OR52N1: variants seen among roughly 807,000 people sequenced by gnomAD.
The protein encoded by OR52N1 is olfactory receptor 52N1.
In OR52N1, 11 loss-of-function variants were observed where a neutral mutation model predicts 13.9. That is an observed-to-expected ratio of 0.79 (90% CI 0.50 to 1.31). The LOEUF (loss-of-function observed/expected upper bound fraction) is 1.31, where lower values mean the gene tolerates loss of function less well. Ranked by LOEUF, OR52N1 falls within the 40% of genes most tolerant of loss-of-function variation. The pLI, the probability that OR52N1 is intolerant of heterozygous loss-of-function variation, is 0.00. For missense variants in OR52N1, 414 were observed against 397.7 expected, an observed-to-expected ratio of 1.04 and a Z score of -0.35; for synonymous variants, 142 against 143.7, an observed-to-expected ratio of 0.99 and a Z score of 0.08.
rs539044197 is a variant in OR52N1, at chr11:5,788,714, T to C, written c.103A>G (p.Thr35Ala). 30 of 1,613,742 alleles carry C rather than the reference T, an allele frequency of 1.9e-5. No individual in the cohort carries two copies. Among genetic ancestry groups the C allele is most frequent in the African/African-American group, 1.6e-4 (12 of 75,010 alleles). ...CCTGTAATAGCAATGCTGTACATGG[T>C]ACACAGTGGGAAGGAGATCCACAAA... is the stretch of plus-strand genomic sequence containing the variant. ...VHLWISFPLC[T>A]MYSIAITGNF... is the part of the protein sequence containing the mutation. The change falls in exon 2 of 2, where the codon ACC (threonine) becomes GCC (alanine). Residue 35 changes from threonine to alanine, a missense_variant. Transcript: ENST00000641645.
Position 5,788,953 on chromosome 11 carries a change from T to A in OR52N1, c.-44-93A>T, listed in dbSNP as rs1187583855. On this transcript the variant is annotated intron_variant, in intron 1 of 1. Transcript: ENST00000641645. ...ATGGCTATTTTGTTTTCCTTGTAGA[T>A]CAATGACTATATTTGTTCTATTATG... 6 of 866,128 alleles carry A rather than the reference T, an allele frequency of 6.9e-6. No homozygotes were observed. In the Admixed American group the frequency reaches 8.0e-5, roughly 11 times the overall value. The allele number at this position is 866,128 out of a possible 1,614,324, so 53.7% of individuals were successfully genotyped here.
At position 5,788,871 on chromosome 11, in the gene OR52N1, GAAAT is replaced by G; in HGVS notation, c.-44-15_-44-12del. 7.3e-7 allele frequency: 1 copy of G among 1,371,430 alleles called. No homozygotes were observed. The allele number at this position is 1,371,430 out of a possible 1,614,324, so 85.0% of individuals were successfully genotyped here. ...GTTATAGCATTGCCTCTGTGAGCAG[GAAAT>G]AAAAAAAAGAGTAATTTCAAGGAGT... On this transcript the variant is annotated splice_polypyrimidine_tract_variant and intron_variant, in intron 1 of 1. Coordinates refer to ENST00000641645, the MANE Select transcript of OR52N1 (RefSeq NM_001001913.2).
chr11:5,788,667 G>A lies in OR52N1; in HGVS notation c.150C>T (p.Leu50=). The change falls in exon 2 of 2, where the codon CTC becomes CTT. Residue 50 remains leucine (L), a synonymous_variant. Transcript: ENST00000641645. ...TGTGTAAGGCCTCATCACAGTAGATGAGGTACATAAGGCCGAAGTTCCCTG... is the reference window on the plus strand; with the variant it reads ...TGTGTAAGGCCTCATCACAGTAGATAAGGTACATAAGGCCGAAGTTCCCTG... ...AITGNFGLMY[L]IYCDEALHRP... 6.2e-7 allele frequency: 1 copy of A among 1,614,050 alleles called. No homozygotes were observed.
In OR52N1 at chr11:5,787,919, T is replaced by C. The variant is rs1179369643; in HGVS notation, c.898A>G (p.Arg300Gly). The C allele has an allele frequency of 2.6e-5, 40 of 1,516,354 alleles. 8 individuals are homozygous for C. The highest frequency in any genetic ancestry group is 3.6e-5 in the Non-Finnish European group (40 of 1,111,714). The allele number at this position is 1,516,354 out of a possible 1,614,324, so 93.9% of individuals were successfully genotyped here. ...MNPIVYGVKTRQVRESVIRFF... is the reference protein window; with the variant it reads ...MNPIVYGVKTGQVRESVIRFF... ...CTAATGACACTTTCTCGTACCTGCC[T>C]GGTTTTCACCCCATACACAATAGGG... Residue 300 changes from arginine (R) to glycine (G), a missense_variant, in exon 2 of 2, where the codon AGG becomes GGG. Coordinates refer to ENST00000641645, the MANE Select transcript of OR52N1 (RefSeq NM_001001913.2).
chr11:5,787,441 T>C lies in OR52N1; in HGVS notation c.*413A>G. The C allele has an allele frequency of 6.9e-6, 1 of 145,850 alleles. No homozygotes were observed. The allele number at this position is 145,850 out of a possible 1,614,324, so 9.0% of individuals were successfully genotyped here. A position where few individuals can be genotyped will look rare whatever the true frequency, so the allele number is the denominator to read the frequency against. On this transcript the variant is annotated 3_prime_UTR_variant, in exon 2 of 2. Coordinates refer to ENST00000641645, the MANE Select transcript of OR52N1 (RefSeq NM_001001913.2). ...GGATAGAAGCAGAATAAACTCTAAG[T>C]GATTTTGGCAGGAAAATGATGAGCT...
Position 5,787,893 on chromosome 11 carries a change from C to A in OR52N1, c.924G>T (p.Arg308Ser). ...KTRQVRESVI[R>S]FFLKGKDNSH... ...AATTGTCCTTTCCCTTAAGAAAGAA[C>A]CTAATGACACTTTCTCGTACCTGCC... The change falls in exon 2 of 2, where the codon AGG (arginine) becomes AGT (serine). Residue 308 changes from arginine to serine, a missense_variant. Transcript: ENST00000641645. The A allele has an allele frequency of 6.0e-6, 9 of 1,507,200 alleles. 1 individual carries two copies. Among genetic ancestry groups the A allele is most frequent in the Non-Finnish European group, 7.2e-6 (8 of 1,108,108 alleles). The allele number at this position is 1,507,200 out of a possible 1,614,324, so 93.4% of individuals were successfully genotyped here.
chr11:5,789,576 T>C (rs898916524), intron 1 of OR52N1, among the ~76,000 whole-genome samples: 1 of 152,096 alleles, frequency 6.6e-6, no homozygotes, highest in African/African-American at 2.4e-5. Flanking sequence ...TAATTGACTC[T>C]AGAGTCAATT....
chr11:5,786,661 C>T lies in OR52N1; in HGVS notation c.*1193G>A, dbSNP rs927691404. The T allele has an allele frequency of 7.3e-6, 1 of 137,754 alleles. No individual in the cohort carries two copies. The highest frequency in any genetic ancestry group is 2.7e-5 in the African/African-American group (1 of 37,524). 8.5% of individuals were successfully genotyped at this position (137,754 alleles called of 1,614,324 possible). On this transcript the variant is annotated 3_prime_UTR_variant, in exon 2 of 2. Transcript: ENST00000641645. Reference sequence around the variant, plus strand: ...TGTATATGTGCCACATTTTCTTTATCCAGTCTATCATTGTTGAACATTTGG... The same window carrying T: ...TGTATATGTGCCACATTTTCTTTATTCAGTCTATCATTGTTGAACATTTGG...
In OR52N1 at chr11:5,788,757, A is replaced by C; in HGVS notation, c.60T>G (p.Pro20=). The C allele has an allele frequency of 6.2e-7, 1 of 1,611,686 alleles. No homozygotes were observed. The highest frequency in any genetic ancestry group is 1.1e-5 in the South Asian group (1 of 91,070). The change falls in exon 2 of 2, where the codon CCT becomes CCG. Residue 20 remains proline (P), a synonymous_variant. Coordinates refer to ENST00000641645, the MANE Select transcript of OR52N1 (RefSeq NM_001001913.2). ...TPASFILNGI[P]GLEDVHLWIS... ...TCCACAAATGCACATCTTCCAAACC[A>C]GGGATGCCATTTAGGATGAATGAAG...
rs1164737416 is a variant in OR52N1 at position 5,786,905 on chromosome 11, A to T, written c.*949T>A. 2 of 140,568 alleles carry T rather than the reference A, an allele frequency of 1.4e-5. 1 individual carries two copies. The highest frequency in any genetic ancestry group is 3.1e-5 in the Non-Finnish European group (2 of 63,574). The allele number at this position is 140,568 out of a possible 1,614,324, so 8.7% of individuals were successfully genotyped here. A position where few individuals can be genotyped will look rare whatever the true frequency, so the allele number is the denominator to read the frequency against. ...AGTATATATACTTTGTAAACTATAG[A>T]CAGTTTTCATAGGAAGCAAGAAAGA... On this transcript the variant is annotated 3_prime_UTR_variant, in exon 2 of 2. Transcript: ENST00000641645.
In OR52N1 at chr11:5,788,171, T is replaced by C. The variant is rs768500128; in HGVS notation, c.646A>G (p.Ile216Val). 2.5e-6 allele frequency: 4 copies of C among 1,613,948 alleles called. No individual in the cohort carries two copies. Among genetic ancestry groups the C allele is most frequent in the East Asian group, 2.2e-5 (1 of 44,824 alleles). Residue 216 changes from isoleucine to valine, a missense_variant, in exon 2 of 2, where the codon ATT becomes GTT. Physicochemically the swap from Ile to Val is conservative, Grantham distance 29. Coordinates refer to ENST00000641645, the MANE Select transcript of OR52N1 (RefSeq NM_001001913.2). The stretch of plus-strand genomic sequence containing the variant: ...AGAATCATAGTGTAGGAGATTGTAA[T>C]GCACAGGATATCAAAGCCCCCAATC... ...LLIGGFDILC[I>V]TISYTMILQA...
chr11:5,789,646 A>G (rs1189691455), intron 1 of OR52N1, among the ~76,000 whole-genome samples: 1 of 152,156 alleles, frequency 6.6e-6, no homozygotes, highest in Non-Finnish European at 1.5e-5. Flanking sequence ...CCTTTAGAAC[A>G]TAGTGCTTTA....
Position 5,788,094 on chromosome 11 carries a change from G to A in OR52N1, c.723C>T (p.Ser241=). The A allele has an allele frequency of 1.9e-6, 3 of 1,613,968 alleles. No individual in the cohort carries two copies. Among genetic ancestry groups the A allele is most frequent in the Non-Finnish European group, 2.5e-6 (3 of 1,179,920 alleles). Residue 241 remains serine, a synonymous_variant, in exon 2 of 2, where the codon AGC becomes AGT. Coordinates refer to ENST00000641645, the MANE Select transcript of OR52N1 (RefSeq NM_001001913.2). ...SSADARQKAF[S]TCTAHFCAIV... ...TGGCACAGAAGTGGGCAGTGCAGGT[G>A]CTGAAGGCCTTCTGTCGAGCATCTG...
chr11:5,790,733 A>G (rs994889068), intron 1 of OR52N1, among the ~76,000 whole-genome samples: 3 of 152,052 alleles, frequency 2.0e-5, no homozygotes, highest in Admixed American at 6.6e-5. Flanking sequence ...TGTTGGCCAC[A>G]TACGTGTTTT....
intron 1 of OR52N1, among the ~76,000 whole-genome samples, chr11:5,789,557 A>T (rs1488908335): frequency 6.6e-6 from 1 of 152,174 alleles, no homozygotes; most frequent in Non-Finnish European, 1.5e-5. Flanking sequence ...CTAAGATTAC[A>T]GTCTAGTCTA....
chr11:5,787,733 T>C lies in OR52N1; in HGVS notation c.*121A>G, dbSNP rs2134229298. 2 of 866,596 alleles carry C rather than the reference T, an allele frequency of 2.3e-6. No individual in the cohort carries two copies. The highest frequency in any genetic ancestry group is 2.6e-5 in the East Asian group (1 of 39,168). 53.7% of individuals were successfully genotyped at this position (866,596 alleles called of 1,614,324 possible). A position where few individuals can be genotyped will look rare whatever the true frequency, so the allele number is the denominator to read the frequency against. On this transcript the variant is annotated 3_prime_UTR_variant, in exon 2 of 2. Transcript: ENST00000641645. ...CATGATGGTACCCTTTCCAAAGATGTAGAGTAATCCGAGTATCATAAAAAT... is the reference window on the plus strand; with the variant it reads ...CATGATGGTACCCTTTCCAAAGATGCAGAGTAATCCGAGTATCATAAAAAT...
chr11:5,790,853 T>C (rs1313285113), intron 1 of OR52N1, among the ~76,000 whole-genome samples: 3 of 152,094 alleles, frequency 2.0e-5, no homozygotes, highest in East Asian at 1.9e-4. Flanking sequence ...GTCAGATACA[T>C]AGTTTGCAAA....
chr11:5,786,863 C>A lies in OR52N1; in HGVS notation c.*991G>T, dbSNP rs1043211850. 3.6e-5 allele frequency: 5 copies of A among 139,140 alleles called. 1 individual carries two copies. Among genetic ancestry groups the A allele is most frequent in the African/African-American group, 1.3e-4 (5 of 37,642 alleles). The allele number at this position is 139,140 out of a possible 1,614,324, so 8.6% of individuals were successfully genotyped here. A position where few individuals can be genotyped will look rare whatever the true frequency, so the allele number is the denominator to read the frequency against. On this transcript the variant is annotated 3_prime_UTR_variant, in exon 2 of 2. Transcript: ENST00000641645. ...TATTATTTATGCTAAAGTTAACATA[C>A]TTCTGAAAGAAAAGAAAGTATATAT... is the stretch of plus-strand genomic sequence containing the variant.
In OR52N1 at chr11:5,788,713, G is replaced by C; in HGVS notation, c.104C>G (p.Thr35Ser). 2 of 1,613,758 alleles carry C rather than the reference G, an allele frequency of 1.2e-6. No individual in the cohort carries two copies. Among genetic ancestry groups the C allele is most frequent in the Non-Finnish European group, 1.7e-6 (2 of 1,179,940 alleles). ...CCCTGTAATAGCAATGCTGTACATG[G>C]TACACAGTGGGAAGGAGATCCACAA... ...VHLWISFPLC[T>S]MYSIAITGNF... The change falls in exon 2 of 2, where the codon ACC (threonine) becomes AGC (serine). Residue 35 changes from threonine to serine, a missense_variant. Coordinates refer to ENST00000641645, the MANE Select transcript of OR52N1 (RefSeq NM_001001913.2).
Sources: allele counts gnomAD v4.1 joint callset (sites outside exome capture counted in the v4.1 genomes callset), GRCh38; gene constraint gnomAD v4.1.1; transcripts MANE v1.5; gene names NCBI Gene and HGNC (gene_info 2026-07-23, HGNC 2026-07-21).